Variants in RAB7B observed in about 807,000 individuals in gnomAD.
The protein encoded by RAB7B is RAB7B, member RAS oncogene family.
chr1:205,988,095 A>G (rs949936199), intron 4 of RAB7B, among the ~76,000 whole-genome samples: 245 of 152,206 alleles, frequency 1.6e-3, no homozygotes, highest in African/African-American at 5.4e-3. Context: ...TTCATATTGT[A>G]TTCACATTGT....
chr1:205,999,386 TACTA>T lies in RAB7B; in HGVS notation c.-17+3863_-17+3866del, dbSNP rs1289803457. ...TAAGCTTTGAAAAGATACTCAACCTTACTAACTATCAAGGAAATTAACATTTCAA... is the reference window on the plus strand; with the variant it reads ...TAAGCTTTGAAAAGATACTCAACCTTACTATCAAGGAAATTAACATTTCAA... On this transcript the variant is annotated intron_variant, in intron 1 of 5. Transcript: ENST00000617070. Among the ~76,000 whole-genome samples the T allele has an allele frequency of 1.7e-4, 26 of 152,328 alleles. No homozygotes were observed. In the East Asian group the frequency reaches 1.9e-3, roughly 11 times the overall value.
chr1:205,988,251 T>TTTC (rs1265665986), intron 4 of RAB7B, among the ~76,000 whole-genome samples: 1 of 131,954 alleles, frequency 7.6e-6, no homozygotes, highest in African/African-American at 2.8e-5. Context: ...TTTTTTCTTT[T>TTTC]AGTGTCTTGC....
At chr1:205,997,090 T>C (rs1660821356) in intron 1 of RAB7B, among the ~76,000 whole-genome samples, 1 of 152,212 alleles carries the variant, frequency 6.6e-6, no homozygotes, top group Non-Finnish European at 1.5e-5. Context: ...GACCTGGAGT[T>C]GGTGGCACTG....
intron 1 of RAB7B, among the ~76,000 whole-genome samples, chr1:206,002,792 A>C (rs1340049105): frequency 6.6e-6 from 1 of 152,208 alleles, no homozygotes; most frequent in Non-Finnish European, 1.5e-5. Flanking sequence ...AACAGGAGTG[A>C]TAATTTCCTA....
intron 1 of RAB7B, among the ~76,000 whole-genome samples, chr1:205,997,772 A>G (rs1262843618): frequency 6.6e-6 from 1 of 152,214 alleles, no homozygotes; most frequent in Non-Finnish European, 1.5e-5. Context: ...CCTAGGAGCA[A>G]AGGGAAGCTG....
chr1:205,981,444 A>G (rs1351152349), intron 5 of RAB7B, among the ~76,000 whole-genome samples: 13 of 148,338 alleles, frequency 8.8e-5, no homozygotes, highest in Non-Finnish European at 1.6e-4. Context: ...CTTTCAGATA[A>G]TTAACTGAAC....
chr1:205,998,065 G>C (rs1445475286), intron 1 of RAB7B, among the ~76,000 whole-genome samples: 1 of 152,190 alleles, frequency 6.6e-6, no homozygotes, highest in Non-Finnish European at 1.5e-5. Flanking sequence ...ATCAAAGGCT[G>C]AGAAGGCAGG....
At chr1:205,996,285 T>A (rs1660812573) in intron 1 of RAB7B, among the ~76,000 whole-genome samples, 1 of 152,126 alleles carries the variant, frequency 6.6e-6, no homozygotes, top group Non-Finnish European at 1.5e-5. Context: ...AATTCCTGGT[T>A]CTTTTGTCTT....
intron 5 of RAB7B, among the ~76,000 whole-genome samples, chr1:205,983,436 C>G (rs957853380): frequency 6.6e-6 from 1 of 152,198 alleles, no homozygotes; most frequent in Non-Finnish European, 1.5e-5. Flanking sequence ...CTTAATCACA[C>G]CCCCCACAGC....
In RAB7B at chr1:205,978,815, C is replaced by T. The variant is rs989255165; in HGVS notation, c.*36G>A. On this transcript the variant is annotated 3_prime_UTR_variant, in exon 6 of 6. Transcript: ENST00000617070. ...CTGGGGTGACCAGGCTCGGGGCAGG[C>T]TCTGTTTCTGGGCTTCCAGAGCAGG... The T allele has an allele frequency of 5.0e-6, 2 of 398,684 alleles. No homozygotes were observed. The highest frequency in any genetic ancestry group is 8.8e-6 in the Non-Finnish European group (2 of 226,164). The allele number at this position is 398,684 out of a possible 1,614,324, so 24.7% of individuals were successfully genotyped here.
At chr1:205,991,439 TCTC>T (rs1258257131) in intron 4 of RAB7B, among the ~76,000 whole-genome samples, 1 of 152,198 alleles carries the variant, frequency 6.6e-6, no homozygotes, top group Non-Finnish European at 1.5e-5. Flanking sequence ...AGCACAGACT[TCTC>T]CTTTGAAATT....
intron 5 of RAB7B, among the ~76,000 whole-genome samples, chr1:205,980,084 T>A (rs1169263106): frequency 1.3e-5 from 2 of 152,170 alleles, no homozygotes; most frequent in African/African-American, 4.8e-5. Context: ...CATCACTCAC[T>A]GCCACCCCCA....
rs1435255970 is a variant in RAB7B at position 205,992,604 on chromosome 1, G to C, written c.272C>G (p.Thr91Ser). The change falls in exon 4 of 6, where the codon ACC becomes AGC. Residue 91 changes from threonine to serine, a missense_variant. Physicochemically the swap from Thr to Ser is moderately conservative, Grantham distance 58 (BLOSUM62 1). Transcript: ENST00000617070. Reference protein sequence around the residue: ...SDGCILAFDVTDLESFEALDI... With the variant: ...SDGCILAFDVSDLESFEALDI... ...CAGGGCTTCAAAAGACTCCAGGTCG[G>C]TGACATCAAAAGCTAGGATGCAGCC... The C allele has an allele frequency of 1.8e-5, 7 of 398,668 alleles. No individual in the cohort carries two copies. Among genetic ancestry groups the C allele is most frequent in the Admixed American group, 4.4e-5 (1 of 22,726 alleles). The allele number at this position is 398,668 out of a possible 1,614,324, so 24.7% of individuals were successfully genotyped here. A position where few individuals can be genotyped will look rare whatever the true frequency, so the allele number is the denominator to read the frequency against.
chr1:205,988,801 G>A (rs1408978375), intron 4 of RAB7B, among the ~76,000 whole-genome samples: 4 of 152,132 alleles, frequency 2.6e-5, no homozygotes, highest in Admixed American at 6.5e-5. Context: ...GACGGGCTCC[G>A]AGGAGAAGGC....
intron 1 of RAB7B, among the ~76,000 whole-genome samples, chr1:206,001,736 C>G (rs2102257494): frequency 6.6e-6 from 1 of 152,216 alleles, no homozygotes; most frequent in East Asian, 1.9e-4. Context: ...CACTTCTAAG[C>G]CTGGAGTCCT....
chr1:205,989,918 G>A (rs1241105351), intron 4 of RAB7B, among the ~76,000 whole-genome samples: 1 of 152,122 alleles, frequency 6.6e-6, no homozygotes, highest in African/African-American at 2.4e-5. Context: ...TCTCCCAAGA[G>A]TAACTGGCAA....
intron 4 of RAB7B, among the ~76,000 whole-genome samples, chr1:205,988,511 A>C (rs1660657870): frequency 6.6e-6 from 1 of 152,218 alleles, no homozygotes; most frequent in East Asian, 1.9e-4. Context: ...TTGGGATTAC[A>C]GGCGTGAGCC....
At chr1:205,986,957 A>G (rs1166916035) in intron 4 of RAB7B, among the ~76,000 whole-genome samples, 4 of 152,042 alleles carry the variant, frequency 2.6e-5, no homozygotes, top group Non-Finnish European at 5.9e-5. Context: ...GTCCCAGCTG[A>G]TCTCAGCAGA....
At chr1:205,984,114 A>G (rs1403611529) in intron 5 of RAB7B, 1 of 152,294 alleles carries the variant, frequency 6.6e-6, no homozygotes, top group Non-Finnish European at 1.5e-5. Context: ...TCAGGAGCCA[A>G]CTACACCGCC....
Sources: allele counts gnomAD v4.1 joint callset (sites outside exome capture counted in the v4.1 genomes callset), GRCh38; gene constraint gnomAD v4.1.1; transcripts MANE v1.5; gene names NCBI Gene and HGNC (gene_info 2026-07-23, HGNC 2026-07-21).